The following GLG1 variants were observed in gnomAD, a reference collection of about 807,000 sequenced individuals.
GLG1 encodes golgi glycoprotein 1, also known as Golgi apparatus protein 1.
GLG1 carries 38 observed loss-of-function variants against 160.5 expected under a neutral mutation model. The observed-to-expected ratio is 0.24, with a 90% confidence interval of 0.18 to 0.31. GLG1 has a LOEUF of 0.31. Among genes scored for constraint, GLG1 ranks in the 10% least tolerant of loss-of-function variants. The probability of loss-of-function intolerance (pLI) is 1.00; values close to 1 mark genes in which losing one functional copy is unlikely to be tolerated. For missense variants in GLG1, 1,373 were observed against 1,505.2 expected (o/e 0.91, Z 1.45); for synonymous variants, 644 against 543.4 (o/e 1.19, Z -2.57).
chr16:74,588,496 T>G (rs1958100327), intron 1 of GLG1, among the ~76,000 whole-genome samples: 2 of 152,150 alleles, frequency 1.3e-5, no homozygotes, highest in African/African-American at 2.4e-5. Flanking sequence ...CTGTTGCCAC[T>G]GCAGCCTCGA....
chr16:74,555,682 C>T (rs1313513036), intron 1 of GLG1, among the ~76,000 whole-genome samples: 2 of 151,772 alleles, frequency 1.3e-5, no homozygotes, highest in Non-Finnish European at 2.9e-5. Context: ...GAGAGAGATC[C>T]CTGTCTCTAA....
chr16:74,594,631 GTT>G (rs1958258243), intron 1 of GLG1, among the ~76,000 whole-genome samples: 1 of 152,162 alleles, frequency 6.6e-6, no homozygotes, highest in African/African-American at 2.4e-5. Flanking sequence ...CTGACCTCCA[GTT>G]TTATCAGAGT....
intron 1 of GLG1, among the ~76,000 whole-genome samples, chr16:74,567,176 G>C (rs912077220): frequency 6.6e-6 from 1 of 151,604 alleles, no homozygotes; most frequent in Non-Finnish European, 1.5e-5. Context: ...TGTGTGTGTT[G>C]TGTGTGGGGG....
intron 16 of GLG1, chr16:74,469,746 G>A (rs2015129714): frequency 4.4e-5 from 23 of 523,982 alleles, no homozygotes; most frequent in Middle Eastern, 5.2e-4. Flanking sequence ...TAGATGGCCT[G>A]ACCTGGAAAA....
At chr16:74,559,307 G>A (rs937026606) in intron 1 of GLG1, among the ~76,000 whole-genome samples, 4 of 151,936 alleles carry the variant, frequency 2.6e-5, no homozygotes, top group African/African-American at 9.7e-5. Flanking sequence ...GCTGGGCATG[G>A]TGGTGTGCAA....
At chr16:74,544,791 C>T (rs941101264) in intron 1 of GLG1, among the ~76,000 whole-genome samples, 2 of 152,090 alleles carry the variant, frequency 1.3e-5, no homozygotes, top group African/African-American at 4.8e-5. Flanking sequence ...TGAGCCACCG[C>T]GCCCGGCCAT....
intron 1 of GLG1, among the ~76,000 whole-genome samples, chr16:74,545,931 G>A (rs2018033001): frequency 6.6e-6 from 1 of 152,150 alleles, no homozygotes; most frequent in African/African-American, 2.4e-5. Context: ...CAAGATCAAT[G>A]ACTTCAATAA....
Position 74,480,386 on chromosome 16 carries a change from G to A in GLG1, c.1682C>T (p.Pro561Leu), listed in dbSNP as rs773101623. ...TCCCTGGCACTTGCGGTACAGGACA[G>A]GGTCCAGCCTATAAGGTTAAGAGTT... ...YFISRDWKLD[P>L]VLYRKCQGDA... The change falls in exon 11 of 26, where the codon CCT becomes CTT. Residue 561 changes from proline (P) to leucine (L), a missense_variant. Coordinates refer to ENST00000422840, the MANE Select transcript of GLG1 (RefSeq NM_001145667.2). 6.2e-7 allele frequency: 1 copy of A among 1,611,188 alleles called. No individual in the cohort carries two copies. The highest frequency in any genetic ancestry group is 8.5e-7 in the Non-Finnish European group (1 of 1,178,442).
Position 74,452,835 on chromosome 16 carries a change from AAGCCTTTG to A in GLG1, c.*324_*331del. 4 of 1,046,938 alleles carry A rather than the reference AAGCCTTTG, an allele frequency of 3.8e-6. No individual in the cohort carries two copies. The highest frequency in any genetic ancestry group is 4.6e-6 in the Non-Finnish European group (4 of 870,634). 64.9% of individuals were successfully genotyped at this position (1,046,938 alleles called of 1,614,324 possible). ...TTTTTTTTTGGTGGTTTTCTTAAAAAAGCCTTTGAGTTGCAGGTCAGGTGAGTTGGTTC... is the reference window on the plus strand; with the variant it reads ...TTTTTTTTTGGTGGTTTTCTTAAAAAAGTTGCAGGTCAGGTGAGTTGGTTC... On this transcript the variant is annotated 3_prime_UTR_variant, in exon 26 of 26. Transcript: ENST00000422840.
rs956774497 is a variant in GLG1 at position 74,480,167 on chromosome 16, C to A, written c.1827+74G>T. 5 of 1,235,602 alleles carry A rather than the reference C, an allele frequency of 4.0e-6. No individual in the cohort carries two copies. In the Admixed American group the frequency reaches 7.5e-5, roughly 18 times the overall value. The allele number at this position is 1,235,602 out of a possible 1,614,324, so 76.5% of individuals were successfully genotyped here. A position where few individuals can be genotyped will look rare whatever the true frequency, so the allele number is the denominator to read the frequency against. On this transcript the variant is annotated intron_variant, in intron 11 of 25. Transcript: ENST00000422840. Reference sequence around the variant, plus strand: ...AAAGTTTTCCTAATATGACTGAAATCAGAAGAATATACAGCAAACAATTTA... The same window carrying A: ...AAAGTTTTCCTAATATGACTGAAATAAGAAGAATATACAGCAAACAATTTA...
At chr16:74,454,492 CCT>C (rs1377101733) in intron 25 of GLG1, among the ~76,000 whole-genome samples, 1 of 150,998 alleles carries the variant, frequency 6.6e-6, no homozygotes, top group Non-Finnish European at 1.5e-5. Context: ...ATGGTGAAAC[CCT>C]GTCTCTACTA....
intron 1 of GLG1, among the ~76,000 whole-genome samples, chr16:74,603,975 C>T (rs935925053): frequency 6.6e-6 from 1 of 150,938 alleles, no homozygotes; most frequent in African/African-American, 2.4e-5. Flanking sequence ...ATGACTCATC[C>T]GAGAGCGTTA....
At chr16:74,546,837 C>A (rs1402781451) in intron 1 of GLG1, among the ~76,000 whole-genome samples, 17 of 59,702 alleles carry the variant, frequency 2.8e-4, no homozygotes, top group African/African-American at 5.3e-4. Flanking sequence ...GACTCCATCT[C>A]AAAAAAAAAA....
intron 17 of GLG1, 91 bp from the exon 18 acceptor site, chr16:74,467,939 C>G (rs1325503918): frequency 1.5e-5 from 12 of 806,920 alleles, no homozygotes; most frequent in Non-Finnish European, 2.4e-5. Context: ...TGCATCTTGT[C>G]TAGTGACCCT....
chr16:74,456,142 C>A (rs2014527937), intron 25 of GLG1, among the ~76,000 whole-genome samples: 1 of 152,150 alleles, frequency 6.6e-6, no homozygotes, highest in Non-Finnish European at 1.5e-5. Flanking sequence ...ATAGGCGAGG[C>A]TGGATTTCTT....
intron 1 of GLG1, among the ~76,000 whole-genome samples, chr16:74,559,860 T>C (rs570706607): frequency 6.6e-5 from 10 of 152,344 alleles, no homozygotes; most frequent in African/African-American, 1.4e-4. Context: ...ATTTTGAATT[T>C]ATTATTTTAA....
chr16:74,545,249 C>G (rs568581136), intron 1 of GLG1, among the ~76,000 whole-genome samples: 1 of 152,064 alleles, frequency 6.6e-6, no homozygotes, highest in Non-Finnish European at 1.5e-5. Flanking sequence ...GGTACAATCT[C>G]AGTTCACTGA....
rs763033713 is a variant in GLG1 at position 74,491,020 on chromosome 16, C to T, written c.1430G>A (p.Gly477Glu). ...CCTTACCGCCTGCTGGCAGTTCATTCCAAGGTTCCCCTTCTCCCCTCGAAC... is the reference window on the plus strand; with the variant it reads ...CCTTACCGCCTGCTGGCAGTTCATTTCAAGGTTCCCCTTCTCCCCTCGAAC... Reference protein sequence around the residue: ...KVVRGEKGNLGMNCQQALQTL... With the variant: ...KVVRGEKGNLEMNCQQALQTL... Residue 477 changes from glycine to glutamate, a missense_variant, in exon 8 of 26, where the codon GGA (glycine) becomes GAA (glutamate). By Grantham distance (98) the Gly-to-Glu change is moderately conservative. Transcript: ENST00000422840. 9 of 1,613,704 alleles carry T rather than the reference C, an allele frequency of 5.6e-6. No homozygotes were observed. Among genetic ancestry groups the T allele is most frequent in the African/African-American group, 2.7e-5 (2 of 74,942 alleles).
At chr16:74,472,484 C>T in intron 13 of GLG1, 73 bp from the exon 14 acceptor site, 1 of 1,366,930 alleles carries the variant, frequency 7.3e-7, no homozygotes, top group African/African-American at 1.4e-5. Context: ...GTTTCTCTTT[C>T]TGAATCAGTA....
Sources: allele counts gnomAD v4.1 joint callset (sites outside exome capture counted in the v4.1 genomes callset), GRCh38; gene constraint gnomAD v4.1.1; transcripts MANE v1.5; gene names NCBI Gene and HGNC (gene_info 2026-07-23, HGNC 2026-07-21).